The following FAT1 variants were observed in gnomAD, a reference collection of about 807,000 sequenced individuals.
The protein encoded by FAT1 is protocadherin Fat 1.
Under a neutral mutation model 329.8 loss-of-function variants are expected in FAT1, and 171 were observed. The observed-to-expected ratio is 0.52, with a 90% CI of 0.46 to 0.59. FAT1 has a LOEUF of 0.59. Ranked by LOEUF, FAT1 falls within the 20% of genes least tolerant of loss-of-function variation. The pLI is 0.00. For synonymous variants in FAT1, 2,233 were observed against 2,228.6 expected, an observed-to-expected ratio of 1.00 and a Z score of -0.06; for missense variants, 5,672 against 5,774.4, an observed-to-expected ratio of 0.98 and a Z score of 0.57.
chr4:186,590,123 TA>T (rs1273745642), intron 26 of FAT1, among the ~76,000 whole-genome samples: 13 of 149,284 alleles, frequency 8.7e-5, no homozygotes, highest in Middle Eastern at 3.5e-3. Flanking sequence ...ACCACTATTT[TA>T]AAAAAAAACT....
chr4:186,668,153 G>A (rs747335741), intron 2 of FAT1, among the ~76,000 whole-genome samples: 26 of 152,156 alleles, frequency 1.7e-4, no homozygotes, highest in Non-Finnish European at 2.8e-4. Flanking sequence ...AGCCTTAAGC[G>A]TGCCAAGTTA....
rs2126425220 is a variant in FAT1, at chr4:186,603,245, T to C, written c.11281A>G (p.Thr3761Ala). The change falls in exon 19 of 27, where the codon ACA (threonine) becomes GCA (alanine). Residue 3761 changes from threonine to alanine, a missense_variant. By Grantham distance (58) the Thr-to-Ala change is moderately conservative. This residue lies in a region of FAT1 where 1,706 missense variants were observed against 1,859.1 expected (regional missense o/e 0.92). Transcript: ENST00000441802. ...AAACTCAGTCTGGCTGTGCTGTGTGTTGACATCACACTTTCATCCACAGAC... is the reference window on the plus strand; with the variant it reads ...AAACTCAGTCTGGCTGTGCTGTGTGCTGACATCACACTTTCATCCACAGAC... Reference protein sequence around the residue: ...KVSVDESVMSTHSTARLSFVT... With the variant: ...KVSVDESVMSAHSTARLSFVT... 1 of 1,613,822 alleles carries C rather than the reference T, an allele frequency of 6.2e-7. No individual in the cohort carries two copies. Among genetic ancestry groups the C allele is most frequent in the Non-Finnish European group, 8.5e-7 (1 of 1,179,808 alleles).
chr4:186,646,175 A>G (rs1236447141), intron 3 of FAT1, among the ~76,000 whole-genome samples: 1 of 151,884 alleles, frequency 6.6e-6, no homozygotes, highest in Non-Finnish European at 1.5e-5. Flanking sequence ...CCCTATGTTC[A>G]CCTCACCCGG....
At chr4:186,645,400 T>TGC (rs1560962420) in intron 3 of FAT1, among the ~76,000 whole-genome samples, 1 of 104,620 alleles carries the variant, frequency 9.6e-6, no homozygotes, top group Non-Finnish European at 2.0e-5. Flanking sequence ...TATATATATA[T>TGC]ATATATATAT....
intron 3 of FAT1, among the ~76,000 whole-genome samples, chr4:186,650,916 A>G (rs1485683751): frequency 6.6e-6 from 1 of 152,146 alleles, no homozygotes; most frequent in African/African-American, 2.4e-5. Flanking sequence ...AACCAGATGC[A>G]TGGAAAACAG....
In FAT1 at chr4:186,620,044, A is replaced by G. The variant is rs779709345; in HGVS notation, c.6542T>C (p.Val2181Ala). 2.4e-5 allele frequency: 39 copies of G among 1,613,936 alleles called. No homozygotes were observed. Among genetic ancestry groups the G allele is most frequent in the Non-Finnish European group, 3.1e-5 (37 of 1,179,910 alleles). ...PITVMNKAMP[V>A]FEKPFYSAEI... Reference sequence around the variant, plus strand: ...TGCACTGTAGAAAGGTTTTTCAAACACAGGCATGGCTTTATTCATGACAGT... The same window carrying G: ...TGCACTGTAGAAAGGTTTTTCAAACGCAGGCATGGCTTTATTCATGACAGT... Residue 2181 changes from valine (V) to alanine (A), a missense_variant, in exon 10 of 27, where the codon GTG (valine) becomes GCG (alanine). Val to Ala is a moderately conservative substitution (Grantham distance 64). Coordinates refer to ENST00000441802, the MANE Select transcript of FAT1 (RefSeq NM_005245.4).
Position 186,607,090 on chromosome 4 carries a change from C to T in FAT1, c.10207-877G>A, listed in dbSNP as rs115966312. On this transcript the variant is annotated intron_variant, in intron 16 of 26. Coordinates refer to ENST00000441802, the MANE Select transcript of FAT1 (RefSeq NM_005245.4). ...TGCTTCCCAAATCCTTAGAAAGTCC[C>T]TTCTCAACATTCACACATCAAAGGA... Among the ~76,000 whole-genome samples, 501 of 152,310 alleles carry T rather than the reference C, an allele frequency of 3.3e-3. 1 individual carries two copies. Among genetic ancestry groups the T allele is most frequent in the African/African-American group, 0.011 (471 of 41,574 alleles).
chr4:186,659,869 C>T (rs1742084883), intron 3 of FAT1, among the ~76,000 whole-genome samples: 2 of 148,670 alleles, frequency 1.3e-5, no homozygotes, highest in South Asian at 2.2e-4. Flanking sequence ...GGCACCTGTC[C>T]CCTGAACGAC....
At chr4:186,652,794 C>T (rs1311176803) in intron 3 of FAT1, among the ~76,000 whole-genome samples, 2 of 152,114 alleles carry the variant, frequency 1.3e-5, no homozygotes, top group African/African-American at 4.8e-5. Flanking sequence ...CAATAAAATG[C>T]CATTTACTCT....
intron 16 of FAT1, among the ~76,000 whole-genome samples, chr4:186,608,041 C>T (rs1251568249): frequency 2.6e-5 from 4 of 152,178 alleles, no homozygotes; most frequent in Admixed American, 6.5e-5. Flanking sequence ...TTAGCCTCTC[C>T]CATCCCTTAC....
intron 2 of FAT1, among the ~76,000 whole-genome samples, chr4:186,698,192 G>C (rs1239502649): frequency 6.6e-6 from 1 of 152,208 alleles, no homozygotes; most frequent in African/African-American, 2.4e-5. Context: ...ACGCTGGACT[G>C]TGTCCTTGAG....
At chr4:186,724,149 G>A (rs529538010), upstream of FAT1, among the ~76,000 whole-genome samples, 1 of 122,224 alleles carries the variant, frequency 8.2e-6, no homozygotes, top group South Asian at 2.9e-4. This position sits in a 1 kb window ranked among gnomAD's most constrained non-coding sequence, Gnocchi z 5.3. Context: ...ATTGGGGAAA[G>A]CTCCCTGCCA....
At chr4:186,703,733 A>G (rs1229900707) in intron 2 of FAT1, among the ~76,000 whole-genome samples, 2 of 152,240 alleles carry the variant, frequency 1.3e-5, no homozygotes, top group Admixed American at 6.5e-5. Flanking sequence ...GGCCGGGTGC[A>G]CGCCAAGGCA....
intron 12 of FAT1, among the ~76,000 whole-genome samples, chr4:186,613,553 T>C (rs1044181524): frequency 1.3e-5 from 2 of 152,234 alleles, no homozygotes; most frequent in African/African-American, 4.8e-5. Context: ...CTTTAAGTCC[T>C]GCAGGTCTGA....
At chr4:186,615,675 G>A (rs1019122094) in intron 11 of FAT1, among the ~76,000 whole-genome samples, 1 of 152,042 alleles carries the variant, frequency 6.6e-6, no homozygotes, top group Non-Finnish European at 1.5e-5. Context: ...CCTCCCCAAA[G>A]TCCTCTTCTC....
intron 11 of FAT1, among the ~76,000 whole-genome samples, chr4:186,615,641 A>G (rs62350419): frequency 2.0e-5 from 3 of 152,102 alleles, no homozygotes; most frequent in Non-Finnish European, 4.4e-5. Flanking sequence ...CATCCCAAAC[A>G]TCCCAGCTCC....
At position 186,675,729 on chromosome 4, in the gene FAT1, G is replaced by C. The variant is rs1480262161; in HGVS notation, c.3266-12116C>G. 7.9e-5 allele frequency among the ~76,000 whole-genome samples: 12 copies of C among 151,476 alleles called. No homozygotes were observed. The Admixed American group carries it at 7.9e-4, about 10-fold the overall frequency. ...TGCATTCCAGCCCAGGTGACAGAGTGAGACCCTGTCTAAAACACACACACA... is the reference window on the plus strand; with the variant it reads ...TGCATTCCAGCCCAGGTGACAGAGTCAGACCCTGTCTAAAACACACACACA... On this transcript the variant is annotated intron_variant, in intron 2 of 26. Transcript: ENST00000441802.
At chr4:186,610,853 C>T (rs1055116897) in intron 14 of FAT1, among the ~76,000 whole-genome samples, 1 of 151,636 alleles carries the variant, frequency 6.6e-6, no homozygotes, top group Non-Finnish European at 1.5e-5. Flanking sequence ...CAGCAGGAGT[C>T]AGCAGTTCCT....
At chr4:186,719,080 TACTCTAC>T (rs1328763076) in intron 1 of FAT1, among the ~76,000 whole-genome samples, 3 of 152,210 alleles carry the variant, frequency 2.0e-5, no homozygotes, top group Admixed American at 2.0e-4. Context: ...TACTCTTTTA[TACTCTAC>T]ACTGACTCAC....
Sources: allele counts gnomAD v4.1 joint callset (sites outside exome capture counted in the v4.1 genomes callset), GRCh38; gene constraint gnomAD v4.1.1; regional missense constraint gnomAD v4.1.1; non-coding constraint Gnocchi (gnomAD v3.1); transcripts MANE v1.5; gene names NCBI Gene and HGNC (gene_info 2026-07-23, HGNC 2026-07-21).